TRAK1: variants seen among roughly 807,000 people sequenced by gnomAD.
TRAK1 encodes the protein trafficking kinesin-binding protein 1.
Under a neutral mutation model 92.1 loss-of-function variants are expected in TRAK1, and 33 were observed. The ratio of observed to expected loss-of-function variants is 0.36; its 90% confidence interval spans 0.27 to 0.48. The LOEUF (loss-of-function observed/expected upper bound fraction) is 0.48. Ranked by LOEUF, TRAK1 falls within the 20% of genes least tolerant of loss-of-function variation. The pLI is 0.99. For synonymous variants in TRAK1, 521 were observed against 517.3 expected, an observed-to-expected ratio of 1.01 and a Z score of -0.10; for missense variants, 1,123 against 1,257.9, an observed-to-expected ratio of 0.89 and a Z score of 1.62.
intron 11 of TRAK1, 32 bp from the exon 12 acceptor site, chr3:42,200,786 G>T: frequency 6.2e-7 from 1 of 1,609,350 alleles, no homozygotes; most frequent in Non-Finnish European, 8.5e-7. Flanking sequence ...GCCCGCATTT[G>T]CTCACTCACG....
intron 1 of TRAK1, among the ~76,000 whole-genome samples, chr3:42,111,587 G>A (rs1212311796): frequency 6.6e-6 from 1 of 152,040 alleles, no homozygotes; most frequent in African/African-American, 2.4e-5. Flanking sequence ...AGTGGAGACG[G>A]GGTTTCACTG....
At chr3:42,081,383 A>G (rs989597405) in intron 1 of TRAK1, among the ~76,000 whole-genome samples, 2 of 152,242 alleles carry the variant, frequency 1.3e-5, no homozygotes, top group African/African-American at 4.8e-5. Context: ...TATAAATGAT[A>G]GAACCTGGGC....
intron 1 of TRAK1, among the ~76,000 whole-genome samples, chr3:42,052,754 A>G (rs1189322760): frequency 6.6e-6 from 1 of 152,126 alleles, no homozygotes. Flanking sequence ...TTGGGATCCC[A>G]TTGTATGCAT....
chr3:42,030,376 T>C, intron 1 of TRAK1, among the ~76,000 whole-genome samples: 1 of 122,806 alleles, frequency 8.1e-6, no homozygotes, highest in African/African-American at 2.8e-5. Flanking sequence ...AAAAAAAATA[T>C]ATATATATAT....
rs1158849484 is a variant in TRAK1, at chr3:42,225,103, A to C, written c.*1366A>C. The C allele has an allele frequency of 6.6e-6, 1 of 152,212 alleles. No individual in the cohort carries two copies. The highest frequency in any genetic ancestry group is 1.5e-5 in the Non-Finnish European group (1 of 68,050). 9.4% of individuals were successfully genotyped at this position (152,212 alleles called of 1,614,324 possible). A position where few individuals can be genotyped will look rare whatever the true frequency, so the allele number is the denominator to read the frequency against. On this transcript the variant is annotated 3_prime_UTR_variant, in exon 16 of 16. Coordinates refer to ENST00000327628, the MANE Select transcript of TRAK1 (RefSeq NM_001042646.3). Reference sequence around the variant, plus strand: ...TATTATTTATGTCTGCCGTATTTTAAATAAACATTCTCGTTCCTTCCAGTT... The same window carrying C: ...TATTATTTATGTCTGCCGTATTTTACATAAACATTCTCGTTCCTTCCAGTT...
chr3:42,099,814 C>A (rs911302847), intron 1 of TRAK1, among the ~76,000 whole-genome samples: 27 of 152,214 alleles, frequency 1.8e-4, no homozygotes, highest in African/African-American at 6.0e-4. Flanking sequence ...ACTGTTGTTT[C>A]TCCCTATTTA....
chr3:42,036,667 CT>C (rs1702336996), intron 1 of TRAK1, among the ~76,000 whole-genome samples: 2 of 152,236 alleles, frequency 1.3e-5, no homozygotes, highest in Non-Finnish European at 1.5e-5. Context: ...TAGCGTGTTT[CT>C]AGTCCTAAGA....
At chr3:42,026,671 C>T (rs1019257141) in intron 1 of TRAK1, among the ~76,000 whole-genome samples, 2 of 151,988 alleles carry the variant, frequency 1.3e-5, no homozygotes, top group East Asian at 3.9e-4. Flanking sequence ...ACTACAGGCA[C>T]GTGCCACCAC....
At position 42,199,313 on chromosome 3, in the gene TRAK1, G is replaced by C. The variant is rs926183504; in HGVS notation, c.1190+60G>C. Reference sequence around the variant, plus strand: ...AGAGACCAACTTGGACCAGTGCAGTGTTCAAAACCTAGCAATGTTGAGGCT... The same window carrying C: ...AGAGACCAACTTGGACCAGTGCAGTCTTCAAAACCTAGCAATGTTGAGGCT... On this transcript the variant is annotated intron_variant, in intron 11 of 15. Transcript: ENST00000327628. The C allele has an allele frequency of 2.6e-6, 4 of 1,558,498 alleles. No homozygotes were observed. In the African/African-American group the frequency reaches 5.4e-5, roughly 21 times the overall value.
upstream of TRAK1, among the ~76,000 whole-genome samples, chr3:42,013,197 G>T (rs143475483): frequency 2.5e-3 from 384 of 152,174 alleles, no homozygotes; most frequent in African/African-American, 9.0e-3. This position sits in a 1 kb window ranked among gnomAD's most constrained non-coding sequence, Gnocchi z 5.1. Context: ...CCCGTCCCCG[G>T]CTCCATCCTC....
upstream of TRAK1, among the ~76,000 whole-genome samples, chr3:42,086,597 G>T (rs1411224918): frequency 6.6e-6 from 1 of 152,086 alleles, no homozygotes; most frequent in South Asian, 2.1e-4. Context: ...GATTACAGGA[G>T]TGAGTCACCG....
intron 14 of TRAK1, chr3:42,218,268 A>C: frequency 1.0e-6 from 1 of 985,428 alleles, no homozygotes; most frequent in Non-Finnish European, 1.2e-6. Context: ...GGCAGCAACC[A>C]ATTCCATTGT....
chr3:42,171,086 A>G (rs551952843), intron 2 of TRAK1, among the ~76,000 whole-genome samples: 296 of 152,108 alleles, frequency 1.9e-3, no homozygotes, highest in Admixed American at 4.0e-3. Flanking sequence ...AAGTGCTGGG[A>G]TTACAGGCGT....
At chr3:42,029,913 T>G (rs1702057070) in intron 1 of TRAK1, among the ~76,000 whole-genome samples, 1 of 152,038 alleles carries the variant, frequency 6.6e-6, no homozygotes, top group Admixed American at 6.6e-5. Context: ...GAGGCACGAT[T>G]GGAAGTACGG....
At chr3:42,086,298 C>A, upstream of TRAK1, among the ~76,000 whole-genome samples, 1 of 141,638 alleles carries the variant, frequency 7.1e-6, no homozygotes, top group Non-Finnish European at 1.5e-5. Context: ...TCATCAGATT[C>A]TTCTTTTTCT....
At chr3:42,195,969 G>T (rs576647875) in intron 10 of TRAK1, among the ~76,000 whole-genome samples, 109 of 152,210 alleles carry the variant, frequency 7.2e-4, no homozygotes, top group South Asian at 1.2e-3. Flanking sequence ...AGCTCCTGGC[G>T]CTGTCTTGTT....
At position 42,201,020 on chromosome 3, in the gene TRAK1, A is replaced by G. The variant is rs775662613; in HGVS notation, c.1393A>G (p.Ser465Gly). Residue 465 changes from serine to glycine, a missense_variant, in exon 12 of 16, where the codon AGC becomes GGC. Ser to Gly is a moderately conservative substitution (Grantham distance 56). Coordinates refer to ENST00000327628, the MANE Select transcript of TRAK1 (RefSeq NM_001042646.3). ...CGTCGTCCTCGACAACAAGACCAAC[A>G]GCATCATTCTGGAAACAGAGGCAGC... ...GNVVLDNKTN[S>G]IILETEAADL... 38 of 1,614,060 alleles carry G rather than the reference A, an allele frequency of 2.4e-5. No individual in the cohort carries two copies. Among genetic ancestry groups the G allele is most frequent in the Non-Finnish European group, 3.1e-5 (37 of 1,180,034 alleles).
intron 2 of TRAK1, among the ~76,000 whole-genome samples, chr3:42,141,129 A>G (rs1225415410): frequency 6.6e-6 from 1 of 152,214 alleles, no homozygotes; most frequent in Admixed American, 6.5e-5. Context: ...GTTAGTGTTC[A>G]TTCATCTTTT....
intron 2 of TRAK1, among the ~76,000 whole-genome samples, chr3:42,158,787 C>CAAAAAAA (rs149521969): frequency 1.4e-5 from 1 of 69,544 alleles, no homozygotes; most frequent in South Asian, 5.4e-4. Flanking sequence ...ACAAAAAATA[C>CAAAAAAA]AAAAAAAAAA....
Sources: gnomAD v4.1 joint callset for allele counts (sites outside exome capture counted in the v4.1 genomes callset) on GRCh38, gnomAD v4.1.1 for gene constraint, Gnocchi (gnomAD v3.1) non-coding constraint, MANE v1.5 for transcripts, NCBI Gene and HGNC (gene_info 2026-07-23, HGNC 2026-07-21) for gene names.